Variants in MPZL1 observed in about 807,000 individuals in gnomAD.
MPZL1 encodes the protein myelin protein zero-like protein 1.
A neutral mutation model predicts 29.3 loss-of-function variants in MPZL1; 16 were observed. The ratio of observed to expected loss-of-function variants is 0.55; its 90% CI spans 0.37 to 0.83. The LOEUF (loss-of-function observed/expected upper bound fraction) is 0.83, where lower values mean the gene tolerates loss of function less well. Ranked by LOEUF, MPZL1 falls within the 40% of genes least tolerant of loss-of-function variation. The pLI, the probability that MPZL1 is intolerant of heterozygous loss-of-function variation, is 0.00. For missense variants in MPZL1, 279 were observed against 332.9 expected, an observed-to-expected ratio of 0.84 and a Z score of 1.26; for synonymous variants, 143 against 132.0, an observed-to-expected ratio of 1.08 and a Z score of -0.57.
At chr1:167,770,089 G>A (rs1661205750) in intron 2 of MPZL1, among the ~76,000 whole-genome samples, 1 of 152,194 alleles carries the variant, frequency 6.6e-6, no homozygotes. Flanking sequence ...AAGTGAGTAG[G>A]CAAGGAGTCT....
intron 1 of MPZL1, among the ~76,000 whole-genome samples, chr1:167,722,511 C>CG (rs374556459): frequency 4.6e-5 from 7 of 152,100 alleles, no homozygotes; most frequent in Admixed American, 6.5e-5. Context: ...TGCTCCTTCC[C>CG]GGGGGGCGGT....
intron 5 of MPZL1, among the ~76,000 whole-genome samples, chr1:167,786,534 T>C (rs529780197): frequency 2.6e-5 from 4 of 152,208 alleles, no homozygotes; most frequent in Non-Finnish European, 5.9e-5. Flanking sequence ...AAAGACGATA[T>C]CATAATTCAG....
At chr1:167,733,012 G>A (rs1660302135) in intron 1 of MPZL1, among the ~76,000 whole-genome samples, 1 of 152,174 alleles carries the variant, frequency 6.6e-6, no homozygotes, top group Non-Finnish European at 1.5e-5. Context: ...TCTGTGAACT[G>A]GCACACGTTT....
At chr1:167,751,531 C>T (rs1464697761) in intron 1 of MPZL1, among the ~76,000 whole-genome samples, 26 of 152,018 alleles carry the variant, frequency 1.7e-4, no homozygotes, top group Admixed American at 9.8e-4. Context: ...ATTAGCCGGG[C>T]GTGGTGGCTC....
At chr1:167,751,003 G>A (rs193164351) in intron 1 of MPZL1, among the ~76,000 whole-genome samples, 238 of 152,304 alleles carry the variant, frequency 1.6e-3, no homozygotes, top group African/African-American at 5.5e-3. Context: ...GGAACACCAC[G>A]GAAGTAATGT....
At chr1:167,727,872 CTT>C (rs748327482) in intron 1 of MPZL1, among the ~76,000 whole-genome samples, 24 of 137,690 alleles carry the variant, frequency 1.7e-4, no homozygotes, top group East Asian at 2.1e-4. Context: ...CTTTCTTTTC[CTT>C]TTTTTTTTTT....
intron 1 of MPZL1, among the ~76,000 whole-genome samples, chr1:167,731,251 A>G (rs1465505781): frequency 6.6e-6 from 1 of 152,090 alleles, no homozygotes; most frequent in Non-Finnish European, 1.5e-5. Flanking sequence ...CCTGGCCAAC[A>G]TGATGAAACC....
At chr1:167,771,645 G>T (rs1025618938) in intron 2 of MPZL1, among the ~76,000 whole-genome samples, 3 of 151,618 alleles carry the variant, frequency 2.0e-5, no homozygotes. Flanking sequence ...TCCCAGACAG[G>T]GTGGCCGGGC....
chr1:167,756,270 C>A (rs910038888), intron 1 of MPZL1, among the ~76,000 whole-genome samples: 1 of 151,920 alleles, frequency 6.6e-6, no homozygotes, highest in Non-Finnish European at 1.5e-5. Flanking sequence ...TATCTCAGCC[C>A]CCTGAGTAGC....
intron 1 of MPZL1, among the ~76,000 whole-genome samples, chr1:167,747,409 A>G (rs1660668734): frequency 6.6e-6 from 1 of 152,088 alleles, no homozygotes; most frequent in Non-Finnish European, 1.5e-5. Flanking sequence ...TGTTTTGTAG[A>G]AACAGGGGTC....
chr1:167,769,807 A>G (rs1412080647), intron 2 of MPZL1, among the ~76,000 whole-genome samples: 1 of 152,220 alleles, frequency 6.6e-6, no homozygotes, highest in African/African-American at 2.4e-5. Flanking sequence ...CATACCAGTT[A>G]AGAGGCCATA....
At chr1:167,753,298 C>A (rs1223863079) in intron 1 of MPZL1, among the ~76,000 whole-genome samples, 1 of 152,128 alleles carries the variant, frequency 6.6e-6, no homozygotes, top group Non-Finnish European at 1.5e-5. Context: ...ACAGCCTTTG[C>A]CAAATGTAAA....
chr1:167,739,304 TATATAC>T (rs1558110682), intron 1 of MPZL1, among the ~76,000 whole-genome samples: 1 of 93,862 alleles, frequency 1.1e-5, no homozygotes, highest in East Asian at 2.8e-4. Context: ...TATATATATA[TATATAC>T]ACATATATAT....
intron 1 of MPZL1, among the ~76,000 whole-genome samples, chr1:167,735,053 C>G (rs533716920): frequency 6.6e-6 from 1 of 152,320 alleles, no homozygotes; most frequent in South Asian, 2.1e-4. Context: ...CTATGGCTAA[C>G]AGAGATAAGG....
chr1:167,765,827 C>A, intron 2 of MPZL1, 78 bp downstream of exon 2: 1 of 1,324,460 alleles, frequency 7.6e-7, no homozygotes, highest in Non-Finnish European at 1.0e-6. Flanking sequence ...ATCCATTTTT[C>A]TGATGGTTCA....
At chr1:167,784,632 C>T (rs968567875) in intron 5 of MPZL1, among the ~76,000 whole-genome samples, 1 of 152,190 alleles carries the variant, frequency 6.6e-6, no homozygotes, top group Non-Finnish European at 1.5e-5. Flanking sequence ...AATCAAACTT[C>T]ATAGAGGTGT....
At chr1:167,769,647 G>A (rs917095976) in intron 2 of MPZL1, among the ~76,000 whole-genome samples, 18 of 152,322 alleles carry the variant, frequency 1.2e-4, no homozygotes, top group East Asian at 1.9e-4. Flanking sequence ...TTGTTAGCTT[G>A]TAAGTAGGGT....
intron 5 of MPZL1, among the ~76,000 whole-genome samples, chr1:167,780,831 A>T (rs1285966657): frequency 6.6e-6 from 1 of 152,164 alleles, no homozygotes; most frequent in Non-Finnish European, 1.5e-5. Flanking sequence ...TGCACTTAAC[A>T]CTACTAAGCT....
intron 1 of MPZL1, among the ~76,000 whole-genome samples, chr1:167,730,789 A>C (rs911978909): frequency 2.0e-5 from 3 of 151,682 alleles, no homozygotes; most frequent in Non-Finnish European, 4.4e-5. Context: ...TTGCCATTAG[A>C]CTCCTGGCAT....
Sources: gnomAD v4.1 joint callset for allele counts (sites outside exome capture counted in the v4.1 genomes callset) on GRCh38, gnomAD v4.1.1 for gene constraint, MANE v1.5 for transcripts, NCBI Gene and HGNC (gene_info 2026-07-23, HGNC 2026-07-21) for gene names.